GRB2: variants seen among roughly 807,000 people sequenced by gnomAD.
GRB2 encodes growth factor receptor bound protein 2, also known as growth factor receptor-bound protein 2.
GRB2 carries 2 observed loss-of-function variants against 27.4 expected under a neutral mutation model. The observed-to-expected ratio is 0.07, with a 90% CI of 0.03 to 0.23. GRB2 has a LOEUF of 0.23. Among genes scored for constraint, GRB2 ranks in the 10% least tolerant of loss-of-function variants. The probability of loss-of-function intolerance (pLI) is 1.00; values close to 1 mark genes in which losing one functional copy is unlikely to be tolerated. For missense variants in GRB2, 102 were observed against 282.4 expected, an observed-to-expected ratio of 0.36 and a Z score of 4.58; for synonymous variants, 94 against 99.6, an observed-to-expected ratio of 0.94 and a Z score of 0.33.
intron 3 of GRB2, among the ~76,000 whole-genome samples, chr17:75,330,049 C>G (rs1034550606): frequency 6.6e-6 from 1 of 152,022 alleles, no homozygotes; most frequent in Non-Finnish European, 1.5e-5. Context: ...TCTTGGCTTG[C>G]TGCAAGCTCT....
intron 2 of GRB2, 64 bp from the exon 3 acceptor site, chr17:75,332,861 C>G: frequency 2.8e-6 from 3 of 1,060,194 alleles, no homozygotes; most frequent in Non-Finnish European, 4.3e-6. Flanking sequence ...AAGATAGTTA[C>G]AAGACAATTA....
intron 1 of GRB2, among the ~76,000 whole-genome samples, chr17:75,402,997 C>A (rs2079073072): frequency 7.5e-6 from 1 of 132,620 alleles, no homozygotes; most frequent in African/African-American, 2.8e-5. Context: ...ATTGCCCGAA[C>A]CCAGGAGGTG....
rs1274667389 is a variant in GRB2 at position 75,405,630 on chromosome 17, C to CGCCGCCGCT, written c.-288_-280dup. 1.1e-4 allele frequency: 18 copies of CGCCGCCGCT among 162,622 alleles called. No individual in the cohort carries two copies. The East Asian group carries it at 1.6e-3, about 15-fold the overall frequency. The allele number at this position is 162,622 out of a possible 1,614,324, so 10.1% of individuals were successfully genotyped here. Reference sequence around the variant, plus strand: ...CAGGCACAGACTCTGCCACAGCCGCCGCCGCCGCTGCCGCCGCCCGGTCGC... The same window carrying CGCCGCCGCT: ...CAGGCACAGACTCTGCCACAGCCGCCGCCGCCGCTGCCGCCGCTGCCGCCGCCCGGTCGC... On this transcript the variant is annotated 5_prime_UTR_variant, in exon 1 of 6. Coordinates refer to ENST00000316804, the MANE Select transcript of GRB2 (RefSeq NM_002086.5).
chr17:75,367,454 G>C (rs547414133), intron 2 of GRB2, among the ~76,000 whole-genome samples: 3 of 152,264 alleles, frequency 2.0e-5, no homozygotes, highest in African/African-American at 7.2e-5. Context: ...TGGGATTAGA[G>C]GCATGAGCCA....
intron 2 of GRB2, among the ~76,000 whole-genome samples, chr17:75,351,428 C>G (rs1424774956): frequency 6.6e-6 from 1 of 152,090 alleles, no homozygotes; most frequent in East Asian, 1.9e-4. Flanking sequence ...GCGGAAGAAT[C>G]ACTTGAACCC....
intron 2 of GRB2, among the ~76,000 whole-genome samples, chr17:75,338,591 C>T (rs554501806): frequency 6.6e-6 from 1 of 152,244 alleles, no homozygotes; most frequent in South Asian, 2.1e-4. Context: ...TGTAGCCACA[C>T]GACACTTTGG....
intron 2 of GRB2, among the ~76,000 whole-genome samples, chr17:75,356,674 T>C (rs1197421145): frequency 6.6e-6 from 1 of 152,184 alleles, no homozygotes; most frequent in Non-Finnish European, 1.5e-5. Flanking sequence ...ACCACTCTAC[T>C]GAAACTACTC....
In GRB2 at chr17:75,320,656, T is replaced by G. The variant is rs2078452497; in HGVS notation, c.469-103A>C. On this transcript the variant is annotated intron_variant, in intron 5 of 5. Transcript: ENST00000316804. This position sits in a 1 kb window ranked among gnomAD's most constrained non-coding sequence, Gnocchi z 4.3. ...AGGGGGAAACGAATGCGTGCCAAAT[T>G]CTCCATGTTTCTTAAACTCACCTCC... The G allele has an allele frequency of 1.3e-6, 1 of 775,910 alleles. No homozygotes were observed. The highest frequency in any genetic ancestry group is 1.7e-5 in the African/African-American group (1 of 57,874). The allele number at this position is 775,910 out of a possible 1,614,324, so 48.1% of individuals were successfully genotyped here.
chr17:75,377,271 T>C (rs1350384752), intron 2 of GRB2, among the ~76,000 whole-genome samples: 3 of 152,080 alleles, frequency 2.0e-5, no homozygotes, highest in African/African-American at 7.2e-5. Flanking sequence ...CAATGAACTA[T>C]GGTGGGGCCA....
At chr17:75,323,683 C>A (rs1232099228) in intron 4 of GRB2, among the ~76,000 whole-genome samples, 2 of 152,160 alleles carry the variant, frequency 1.3e-5, no homozygotes, top group African/African-American at 2.4e-5. Context: ...CACGTGGCTG[C>A]CCCCGTGGTT....
intron 2 of GRB2, among the ~76,000 whole-genome samples, chr17:75,385,674 T>TA: frequency 6.6e-6 from 1 of 152,332 alleles, no homozygotes; most frequent in African/African-American, 2.4e-5. Flanking sequence ...AAAATGGGGA[T>TA]AACAGCATCT....
At chr17:75,359,463 G>C (rs545546834) in intron 2 of GRB2, among the ~76,000 whole-genome samples, 1 of 151,928 alleles carries the variant, frequency 6.6e-6, no homozygotes, top group East Asian at 1.9e-4. Flanking sequence ...CTATGATCAT[G>C]CCACTGCACT....
At chr17:75,357,173 G>C (rs1037292543) in intron 2 of GRB2, among the ~76,000 whole-genome samples, 2 of 152,126 alleles carry the variant, frequency 1.3e-5, no homozygotes, top group African/African-American at 4.8e-5. Context: ...TAAAATGTAA[G>C]GCAGAAATGT....
chr17:75,400,269 G>C (rs1024041458), intron 1 of GRB2, among the ~76,000 whole-genome samples: 1 of 152,166 alleles, frequency 6.6e-6, no homozygotes, highest in Non-Finnish European at 1.5e-5. Flanking sequence ...CGCCTCCTGA[G>C]TTCCAGCAAT....
intron 2 of GRB2, among the ~76,000 whole-genome samples, chr17:75,368,384 TTTTG>T (rs1158655790): frequency 6.6e-6 from 1 of 151,314 alleles, no homozygotes; most frequent in African/African-American, 2.4e-5. Context: ...CTCAGCTAAT[TTTTG>T]TTTGTGTGAG....
chr17:75,374,417 A>T (rs928265326), intron 2 of GRB2, among the ~76,000 whole-genome samples: 9 of 151,070 alleles, frequency 6.0e-5, no homozygotes, highest in Admixed American at 1.3e-4. Flanking sequence ...AAAAAAAAAA[A>T]AAAAAAAGAA....
At chr17:75,342,570 T>C (rs903616533) in intron 2 of GRB2, among the ~76,000 whole-genome samples, 1 of 152,068 alleles carries the variant, frequency 6.6e-6, no homozygotes, top group African/African-American at 2.4e-5. Flanking sequence ...GCACCGTCAA[T>C]TTATACATTC....
intron 2 of GRB2, among the ~76,000 whole-genome samples, chr17:75,348,967 C>T (rs1598230379): frequency 6.6e-6 from 1 of 152,318 alleles, no homozygotes; most frequent in Non-Finnish European, 1.5e-5. Flanking sequence ...TGAGCCACTG[C>T]GCCCAACCCA....
At chr17:75,386,172 G>A (rs987624186) in intron 2 of GRB2, among the ~76,000 whole-genome samples, 6 of 151,826 alleles carry the variant, frequency 4.0e-5, no homozygotes, top group East Asian at 1.9e-4. Flanking sequence ...AGGCTGGAGT[G>A]CAGTGGCATG....
Sources: gnomAD v4.1 joint callset for allele counts (sites outside exome capture counted in the v4.1 genomes callset) on GRCh38, gnomAD v4.1.1 for gene constraint, Gnocchi (gnomAD v3.1) non-coding constraint, MANE v1.5 for transcripts, NCBI Gene and HGNC (gene_info 2026-07-23, HGNC 2026-07-21) for gene names.